The following L3MBTL4 variants were observed in gnomAD, a reference collection of about 807,000 sequenced individuals.
L3MBTL4 encodes the protein L3MBTL histone methyl-lysine binding protein 4, also known as lethal(3)malignant brain tumor-like protein 4.
L3MBTL4 carries 70 observed loss-of-function variants against 84.5 expected under a neutral mutation model. The observed-to-expected ratio is 0.83, with a 90% CI of 0.68 to 1.01. The LOEUF (loss-of-function observed/expected upper bound fraction) is 1.01, where lower values mean the gene tolerates loss of function less well. Among genes scored for constraint, L3MBTL4 ranks in the 50% least tolerant of loss-of-function variants. The pLI is 0.00. For synonymous variants in L3MBTL4, 274 were observed against 259.8 expected, an observed-to-expected ratio of 1.05 and a Z score of -0.52; for missense variants, 715 against 754.8, an observed-to-expected ratio of 0.95 and a Z score of 0.62.
chr18:6,254,693 T>C (rs1700466227), intron 5 of L3MBTL4, among the ~76,000 whole-genome samples: 1 of 152,192 alleles, frequency 6.6e-6, no homozygotes, highest in African/African-American at 2.4e-5. Flanking sequence ...AACAAAAATA[T>C]ACTTTAATAA....
Position 6,414,661 on chromosome 18 carries a change from C to G in L3MBTL4, c.-91+140G>C, listed in dbSNP as rs1248410967. The G allele has an allele frequency of 2.6e-5, 4 of 152,182 alleles. No homozygotes were observed. The highest frequency in any genetic ancestry group is 2.1e-4 in the South Asian group (1 of 4,830). The allele number at this position is 152,182 out of a possible 1,614,324, so 9.4% of individuals were successfully genotyped here. On this transcript the variant is annotated intron_variant, in intron 1 of 18. Transcript: ENST00000317931. This position sits in a 1 kb window ranked among gnomAD's most constrained non-coding sequence, Gnocchi z 5.4. ...CGGGGCTATCCCCAACCGCCACCGC[C>G]CCCACCGGCCCGGCCCTCGCCGCGG...
At chr18:5,962,267 G>A (rs754950429) in intron 17 of L3MBTL4, among the ~76,000 whole-genome samples, 9 of 152,170 alleles carry the variant, frequency 5.9e-5, no homozygotes, top group Non-Finnish European at 1.0e-4. Flanking sequence ...AAGGGGGTCT[G>A]TGAGAGGTTC....
chr18:6,409,013 G>A (rs771581531), intron 1 of L3MBTL4, among the ~76,000 whole-genome samples: 7 of 152,124 alleles, frequency 4.6e-5, no homozygotes, highest in Non-Finnish European at 1.0e-4. Flanking sequence ...ATGGAAGTGA[G>A]ACCAAAAGAA....
chr18:5,993,713 T>C (rs905853621), intron 16 of L3MBTL4, among the ~76,000 whole-genome samples: 9 of 152,174 alleles, frequency 5.9e-5, no homozygotes, highest in Non-Finnish European at 1.3e-4. Flanking sequence ...ACAATTATGT[T>C]GGTTATTTCA....
chr18:6,065,626 T>A (rs1013884363), intron 16 of L3MBTL4, among the ~76,000 whole-genome samples: 4 of 152,088 alleles, frequency 2.6e-5, no homozygotes, highest in Non-Finnish European at 5.9e-5. Flanking sequence ...GGGTTTCTAG[T>A]TTGTGTGCAT....
At chr18:6,404,228 C>T (rs1720248550) in intron 1 of L3MBTL4, among the ~76,000 whole-genome samples, 1 of 152,118 alleles carries the variant, frequency 6.6e-6, no homozygotes, top group South Asian at 2.1e-4. Flanking sequence ...ACCACCTGTT[C>T]CCCCGAAAAG....
intron 1 of L3MBTL4, among the ~76,000 whole-genome samples, chr18:6,314,676 T>A (rs1159606836): frequency 6.6e-6 from 1 of 152,240 alleles, no homozygotes; most frequent in Non-Finnish European, 1.5e-5. Flanking sequence ...TGTCTGCATG[T>A]TGCCAAATAC....
chr18:6,079,197 T>C (rs968241260), intron 16 of L3MBTL4, among the ~76,000 whole-genome samples: 1 of 152,100 alleles, frequency 6.6e-6, no homozygotes, highest in Non-Finnish European at 1.5e-5. Flanking sequence ...CCACTTTGAT[T>C]GACAAAAGGC....
intron 16 of L3MBTL4, among the ~76,000 whole-genome samples, chr18:6,025,628 C>A (rs1222786565): frequency 6.6e-6 from 1 of 152,110 alleles, no homozygotes; most frequent in African/African-American, 2.4e-5. Context: ...CTTTTTGGCA[C>A]CAGGGACCAG....
intron 15 of L3MBTL4, among the ~76,000 whole-genome samples, chr18:6,086,281 A>G (rs551275952): frequency 6.6e-6 from 1 of 152,330 alleles, no homozygotes; most frequent in African/African-American, 2.4e-5. Context: ...TTTCCTCTAC[A>G]CAAGTTGCTG....
At chr18:6,020,030 T>A (rs1368915645) in intron 16 of L3MBTL4, among the ~76,000 whole-genome samples, 1 of 152,154 alleles carries the variant, frequency 6.6e-6, no homozygotes, top group East Asian at 1.9e-4. Context: ...AATGCAGATA[T>A]AGGGAGGAAC....
intron 1 of L3MBTL4, among the ~76,000 whole-genome samples, chr18:6,322,672 A>T (rs1322992033): frequency 6.6e-6 from 1 of 152,202 alleles, no homozygotes; most frequent in Non-Finnish European, 1.5e-5. Context: ...GTATTATTCA[A>T]CCATAAAAAG....
At chr18:6,296,175 C>G (rs2050102654) in intron 4 of L3MBTL4, among the ~76,000 whole-genome samples, 1 of 152,186 alleles carries the variant, frequency 6.6e-6, no homozygotes, top group African/African-American at 2.4e-5. Context: ...CTCCAGGATA[C>G]TATTCAAGGA....
chr18:6,029,665 G>C, intron 16 of L3MBTL4: 1 of 985,280 alleles, frequency 1.0e-6, no homozygotes, highest in Non-Finnish European at 1.2e-6. Flanking sequence ...AAATATTTGA[G>C]TATGGGAACA....
At chr18:5,963,887 G>T (rs892392830) in intron 17 of L3MBTL4, among the ~76,000 whole-genome samples, 10 of 152,200 alleles carry the variant, frequency 6.6e-5, no homozygotes, top group Admixed American at 2.0e-4. Flanking sequence ...GTCCAGAGGG[G>T]CATGACCTCT....
At chr18:6,181,622 A>G (rs1486513550) in intron 12 of L3MBTL4, among the ~76,000 whole-genome samples, 2 of 151,904 alleles carry the variant, frequency 1.3e-5, no homozygotes, top group Non-Finnish European at 2.9e-5. Flanking sequence ...GAGCCACCAC[A>G]CCCGGCCATG....
intron 1 of L3MBTL4, among the ~76,000 whole-genome samples, chr18:6,408,780 G>A (rs1425150539): frequency 9.2e-5 from 14 of 151,442 alleles, no homozygotes. Flanking sequence ...CTCCCGGGTT[G>A]AAGCGATTCT....
At chr18:6,130,617 A>T (rs2059846472) in intron 14 of L3MBTL4, among the ~76,000 whole-genome samples, 1 of 152,312 alleles carries the variant, frequency 6.6e-6, no homozygotes, top group South Asian at 2.1e-4. Flanking sequence ...TGGTTCTTCA[A>T]TAAATTACCT....
chr18:6,144,640 CA>C (rs1440008782), intron 13 of L3MBTL4, among the ~76,000 whole-genome samples: 3 of 152,318 alleles, frequency 2.0e-5, no homozygotes, highest in Non-Finnish European at 4.4e-5. Context: ...CTCAGGGCAA[CA>C]ATGTGCCCAG....
Sources: gnomAD v4.1 joint callset for allele counts (sites outside exome capture counted in the v4.1 genomes callset) on GRCh38, gnomAD v4.1.1 for gene constraint, Gnocchi (gnomAD v3.1) non-coding constraint, MANE v1.5 for transcripts, NCBI Gene and HGNC (gene_info 2026-07-23, HGNC 2026-07-21) for gene names.